The following PLCE1 variants were observed in gnomAD, a reference collection of about 807,000 sequenced individuals.
PLCE1 encodes phospholipase C epsilon 1.
A neutral mutation model predicts 242.8 loss-of-function variants in PLCE1; 119 were observed. The ratio of observed to expected loss-of-function variants is 0.49; its 90% CI spans 0.42 to 0.57. PLCE1 has a LOEUF of 0.57. Ranked by LOEUF, PLCE1 falls within the 20% of genes least tolerant of loss-of-function variation. The probability of loss-of-function intolerance (pLI) is 0.00; values close to 1 mark genes in which losing one functional copy is unlikely to be tolerated. For missense variants in PLCE1, 2,441 were observed against 2,788.8 expected (o/e 0.88, Z 2.81); for synonymous variants, 945 against 1,017.4 (o/e 0.93, Z 1.35).
intron 7 of PLCE1, among the ~76,000 whole-genome samples, chr10:94,240,947 T>G (rs1195095956): frequency 6.6e-6 from 1 of 152,224 alleles, no homozygotes; most frequent in African/African-American, 2.4e-5. Flanking sequence ...TATCCCTTCT[T>G]GTAAACCCAC....
At chr10:94,156,659 A>T (rs1053457558) in intron 3 of PLCE1, among the ~76,000 whole-genome samples, 1 of 152,164 alleles carries the variant, frequency 6.6e-6, no homozygotes, top group Non-Finnish European at 1.5e-5. Flanking sequence ...CAGCATGATT[A>T]ATTTAGTCAG....
intron 3 of PLCE1, among the ~76,000 whole-genome samples, chr10:94,164,534 C>T (rs1054463570): frequency 1.3e-5 from 2 of 152,066 alleles, no homozygotes; most frequent in South Asian, 2.1e-4. Context: ...GTTAGCTATT[C>T]GTCTAATCTT....
At chr10:94,016,063 A>G (rs762785911) in intron 1 of PLCE1, among the ~76,000 whole-genome samples, 1 of 152,194 alleles carries the variant, frequency 6.6e-6, no homozygotes, top group Non-Finnish European at 1.5e-5. Context: ...GTGTTTACAA[A>G]TACATAAAAC....
At chr10:94,076,567 C>T (rs943868848) in intron 2 of PLCE1, among the ~76,000 whole-genome samples, 6 of 152,144 alleles carry the variant, frequency 3.9e-5, no homozygotes, top group Non-Finnish European at 8.8e-5. Flanking sequence ...TCTTTCAGCA[C>T]TTGCTCTTTC....
intron 3 of PLCE1, among the ~76,000 whole-genome samples, chr10:94,134,977 C>A (rs2046721788): frequency 6.6e-6 from 1 of 152,204 alleles, no homozygotes; most frequent in Admixed American, 6.5e-5. Context: ...CTGCTCCAAG[C>A]TTATTTCTGT....
intron 29 of PLCE1, among the ~76,000 whole-genome samples, chr10:94,317,259 A>C (rs2053607649): frequency 6.6e-6 from 1 of 152,216 alleles, no homozygotes. Flanking sequence ...TGTCTCAAAA[A>C]AAAAGACAAG....
chr10:94,023,788 T>C (rs1209485463), intron 1 of PLCE1, among the ~76,000 whole-genome samples: 1 of 152,120 alleles, frequency 6.6e-6, no homozygotes, highest in Non-Finnish European at 1.5e-5. Context: ...GTAATATACA[T>C]AAAGTATAAA....
At chr10:94,233,376 A>G (rs753271089) in intron 5 of PLCE1, among the ~76,000 whole-genome samples, 8 of 152,184 alleles carry the variant, frequency 5.3e-5, no homozygotes, top group Non-Finnish European at 1.0e-4. Context: ...TAATATTTAA[A>G]AGATCAAGAG....
chr10:94,212,510 C>T (rs1331447245), intron 4 of PLCE1, among the ~76,000 whole-genome samples: 1 of 152,234 alleles, frequency 6.6e-6, no homozygotes, highest in Non-Finnish European at 1.5e-5. Context: ...CCCTCCTTGG[C>T]CTCCCAAAGT....
At chr10:94,115,188 T>G (rs2046085174) in intron 2 of PLCE1, among the ~76,000 whole-genome samples, 1 of 152,214 alleles carries the variant, frequency 6.6e-6, no homozygotes, top group Admixed American at 6.5e-5. Flanking sequence ...TTGGGTTGGT[T>G]CCAGGTCTTT....
At chr10:94,086,512 G>C (rs991258768) in intron 2 of PLCE1, among the ~76,000 whole-genome samples, 12 of 152,178 alleles carry the variant, frequency 7.9e-5, no homozygotes, top group Admixed American at 6.5e-5. Context: ...TATCTCTGTT[G>C]TAACACTGTC....
chr10:94,313,562 G>A lies in PLCE1; in HGVS notation c.6132+180G>A, dbSNP rs185353561. ...TATTCAACATTGAGATCCACTCCAA[G>A]AATCACCTGATGGATCTTGGTACCA... On this transcript the variant is annotated intron_variant, in intron 28 of 32. Transcript: ENST00000371380. Among the ~76,000 whole-genome samples the A allele has an allele frequency of 3.3e-5, 5 of 152,262 alleles. No individual in the cohort carries two copies. The East Asian group carries it at 9.7e-4, about 29-fold the overall frequency.
chr10:94,287,603 T>A (rs776232768), intron 22 of PLCE1: 1 of 151,980 alleles, frequency 6.6e-6, no homozygotes, highest in Admixed American at 6.6e-5. Context: ...TCCTGTCAGC[T>A]CCCAGGGGTG....
intron 13 of PLCE1, among the ~76,000 whole-genome samples, chr10:94,261,152 C>G (rs752690678): frequency 6.6e-6 from 1 of 152,172 alleles, no homozygotes; most frequent in Non-Finnish European, 1.5e-5. Flanking sequence ...TCCATCCCCC[C>G]CGCGACCTCC....
chr10:94,033,956 A>G (rs1194291095), intron 2 of PLCE1, among the ~76,000 whole-genome samples: 1 of 152,164 alleles, frequency 6.6e-6, no homozygotes, highest in Non-Finnish European at 1.5e-5. Flanking sequence ...TGCTGCTAAT[A>G]AAGACATAGT....
At chr10:94,203,280 A>G (rs2049039528) in intron 4 of PLCE1, among the ~76,000 whole-genome samples, 1 of 152,100 alleles carries the variant, frequency 6.6e-6, no homozygotes, top group East Asian at 1.9e-4. Flanking sequence ...CCTCCATGAC[A>G]CTTATGAACC....
chr10:94,057,943 CTTCTA>C (rs931610396), intron 2 of PLCE1, among the ~76,000 whole-genome samples: 6 of 152,210 alleles, frequency 3.9e-5, no homozygotes, highest in Admixed American at 6.5e-5. Context: ...AAAAGACACA[CTTCTA>C]TTCTATTCAC....
chr10:94,085,998 A>T (rs2044810559), intron 2 of PLCE1, among the ~76,000 whole-genome samples: 1 of 152,170 alleles, frequency 6.6e-6, no homozygotes, highest in South Asian at 2.1e-4. Flanking sequence ...ATATTTGTTG[A>T]GCCATCCCCT....
intron 4 of PLCE1, among the ~76,000 whole-genome samples, chr10:94,222,510 G>T (rs2049788509): frequency 6.6e-6 from 1 of 152,228 alleles, no homozygotes; most frequent in South Asian, 2.1e-4. Context: ...TAGGGTCAGG[G>T]TGATGTGGGG....
Sources: allele counts gnomAD v4.1 joint callset (sites outside exome capture counted in the v4.1 genomes callset), GRCh38; gene constraint gnomAD v4.1.1; transcripts MANE v1.5; gene names NCBI Gene and HGNC (gene_info 2026-07-23, HGNC 2026-07-21).